Variants in JAKMIP1 observed in about 807,000 individuals in gnomAD.
JAKMIP1 encodes janus kinase and microtubule interacting protein 1, also known as janus kinase and microtubule-interacting protein 1.
A neutral mutation model predicts 113.0 loss-of-function variants in JAKMIP1; 33 were observed. That is an observed-to-expected ratio of 0.29 (90% CI 0.22 to 0.39). JAKMIP1 has a LOEUF of 0.39. JAKMIP1 is among the 10% of genes least tolerant of loss of function. JAKMIP1 has a pLI of 1.00. For missense variants in JAKMIP1, 813 were observed against 1,080.5 expected, an observed-to-expected ratio of 0.75 and a Z score of 3.47; for synonymous variants, 480 against 459.9, an observed-to-expected ratio of 1.04 and a Z score of -0.56.
chr4:6,070,221 T>G, intron 8 of JAKMIP1: 1 of 398,128 alleles, frequency 2.5e-6, no homozygotes. Context: ...AAAAGCCACC[T>G]CGTCGGCATC....
chr4:6,046,960 G>A (rs1294982675), intron 16 of JAKMIP1, among the ~76,000 whole-genome samples: 1 of 152,224 alleles, frequency 6.6e-6, no homozygotes, highest in African/African-American at 2.4e-5. Context: ...GCAGGTTCCT[G>A]CTCCTTGCTC....
intron 20 of JAKMIP1, among the ~76,000 whole-genome samples, chr4:6,027,260 C>A (rs371461505): frequency 1.6e-4 from 25 of 152,274 alleles, no homozygotes; most frequent in Middle Eastern, 3.4e-3. Flanking sequence ...CTTCTCCCCC[C>A]CAAAACAAGG....
chr4:6,087,417 G>A (rs1157614597), intron 3 of JAKMIP1, among the ~76,000 whole-genome samples: 8 of 152,158 alleles, frequency 5.3e-5, no homozygotes, highest in Admixed American at 5.2e-4. Context: ...TTGGTACAGT[G>A]CCTAGCATAT....
chr4:6,108,554 C>A lies in JAKMIP1; in HGVS notation c.130-2587G>T, dbSNP rs757610291. The stretch of plus-strand genomic sequence containing the variant: ...CAGATTCACCCCTTTCCATCCTCAT[C>A]CTCATCCAATCCAGCAGCACTGGCT... On this transcript the variant is annotated intron_variant, in intron 2 of 20. Transcript: ENST00000409021. This position sits in a 1 kb window ranked among gnomAD's most constrained non-coding sequence, Gnocchi z 5.6. 2.6e-5 allele frequency among the ~76,000 whole-genome samples: 4 copies of A among 152,152 alleles called. No individual in the cohort carries two copies. Among genetic ancestry groups the A allele is most frequent in the Admixed American group, 6.5e-5 (1 of 15,286 alleles).
intron 1 of JAKMIP1, among the ~76,000 whole-genome samples, chr4:6,164,006 C>T (rs1723271864): frequency 6.6e-6 from 1 of 152,226 alleles, no homozygotes; most frequent in African/African-American, 2.4e-5. Flanking sequence ...AGTGAAGCAT[C>T]AAGTGCTGAT....
At position 6,156,990 on chromosome 4, in the gene JAKMIP1, G is replaced by A. The variant is rs926445827; in HGVS notation, c.-148+43263C>T. On this transcript the variant is annotated intron_variant, in intron 1 of 20. Transcript: ENST00000409021. The surrounding 1 kb of genome is among the most constrained non-coding windows in gnomAD (Gnocchi z 5.0). Reference sequence around the variant, plus strand: ...ATCCCCAATGCACCAGTGTAAAGAGGGGGGACCTTTAAGGGGTGATTGGGT... The same window carrying A: ...ATCCCCAATGCACCAGTGTAAAGAGAGGGGACCTTTAAGGGGTGATTGGGT... Among the ~76,000 whole-genome samples, 1 of 152,322 alleles carries A rather than the reference G, an allele frequency of 6.6e-6. No homozygotes were observed. Among genetic ancestry groups the A allele is most frequent in the Non-Finnish European group, 1.5e-5 (1 of 68,030 alleles).
Position 6,116,188 on chromosome 4 carries a change from A to G in JAKMIP1, c.-147-3191T>C, listed in dbSNP as rs1167313300. On this transcript the variant is annotated intron_variant, in intron 1 of 20. Coordinates refer to ENST00000409021, the MANE Select transcript of JAKMIP1 (RefSeq NM_001099433.2). This position sits in a 1 kb window ranked among gnomAD's most constrained non-coding sequence, Gnocchi z 5.1. ...CCAGCAGCCGGCCTCTGTGCCATGGACACACTGTTGATAGTCCCGACGCTC... is the reference window on the plus strand; with the variant it reads ...CCAGCAGCCGGCCTCTGTGCCATGGGCACACTGTTGATAGTCCCGACGCTC... 1.3e-5 allele frequency among the ~76,000 whole-genome samples: 2 copies of G among 152,074 alleles called. No individual in the cohort carries two copies. The highest frequency in any genetic ancestry group is 3.9e-4 in the East Asian group (2 of 5,172).
At position 6,116,889 on chromosome 4, in the gene JAKMIP1, C is replaced by G. The variant is rs1560214273; in HGVS notation, c.-147-3892G>C. On this transcript the variant is annotated intron_variant, in intron 1 of 20. Transcript: ENST00000409021. The surrounding 1 kb of genome is among the most constrained non-coding windows in gnomAD (Gnocchi z 5.1). ...TCAAATATCACCTGTCACGGGCAGG[C>G]GGTGGGGAGGGCAAACTGCCAGACC... 6.6e-6 allele frequency among the ~76,000 whole-genome samples: 1 copy of G among 152,186 alleles called. No individual in the cohort carries two copies. Among genetic ancestry groups the G allele is most frequent in the Non-Finnish European group, 1.5e-5 (1 of 68,040 alleles).
At chr4:6,131,028 G>C (rs373440386) in intron 1 of JAKMIP1, among the ~76,000 whole-genome samples, 2 of 151,546 alleles carry the variant, frequency 1.3e-5, no homozygotes, top group African/African-American at 4.9e-5. Flanking sequence ...ACAAAACTTA[G>C]TTATGTGTGG....
chr4:6,125,060 A>T (rs549815044), intron 1 of JAKMIP1, among the ~76,000 whole-genome samples: 1 of 152,296 alleles, frequency 6.6e-6, no homozygotes, highest in South Asian at 2.1e-4. Context: ...GTGGTCAGCC[A>T]GGCTATGGTC....
intron 3 of JAKMIP1, among the ~76,000 whole-genome samples, chr4:6,095,791 C>A (rs973949070): frequency 6.6e-6 from 1 of 150,724 alleles, no homozygotes; most frequent in African/African-American, 2.5e-5. Context: ...AGGCGGGGGG[C>A]GTCTGCTATG....
intron 1 of JAKMIP1, among the ~76,000 whole-genome samples, chr4:6,123,100 T>C (rs1177385224): frequency 6.6e-5 from 10 of 152,228 alleles, no homozygotes; most frequent in Non-Finnish European, 2.9e-5. Context: ...AAGGCTCTGT[T>C]AGTTTTTCTA....
At chr4:6,099,270 C>T (rs967286838) in intron 3 of JAKMIP1, among the ~76,000 whole-genome samples, 8 of 152,296 alleles carry the variant, frequency 5.3e-5, no homozygotes, top group South Asian at 4.1e-4. Flanking sequence ...CCATTTGTCT[C>T]GTCTGTTTTT....
chr4:6,057,475 T>G (rs775609156), intron 11 of JAKMIP1, among the ~76,000 whole-genome samples: 4 of 152,018 alleles, frequency 2.6e-5, no homozygotes, highest in Non-Finnish European at 5.9e-5. Flanking sequence ...CGGCCTAGGG[T>G]CTGGTCCCAA....
intron 1 of JAKMIP1, among the ~76,000 whole-genome samples, chr4:6,177,943 C>A (rs896923799): frequency 6.6e-6 from 1 of 152,210 alleles, no homozygotes; most frequent in Non-Finnish European, 1.5e-5. Flanking sequence ...GTGAGATTAA[C>A]CCTAACCACT....
chr4:6,114,912 C>T (rs1233450305), intron 1 of JAKMIP1, among the ~76,000 whole-genome samples: 1 of 152,194 alleles, frequency 6.6e-6, no homozygotes, highest in Non-Finnish European at 1.5e-5. Flanking sequence ...AAGCTTGCTC[C>T]TTTTTATTCC....
chr4:6,127,749 G>A lies in JAKMIP1; in HGVS notation c.-147-14752C>T, dbSNP rs531047290. 9.2e-5 allele frequency among the ~76,000 whole-genome samples: 14 copies of A among 152,320 alleles called. No homozygotes were observed. In the South Asian group the frequency reaches 1.9e-3, roughly 20 times the overall value. ...GACACGTGGTCCCCCAGCCTCTCTC[G>A]AAAGTCCTTCCAGTGACAGGAGGCC... On this transcript the variant is annotated intron_variant, in intron 1 of 20. Coordinates refer to ENST00000409021, the MANE Select transcript of JAKMIP1 (RefSeq NM_001099433.2).
intron 1 of JAKMIP1, among the ~76,000 whole-genome samples, chr4:6,148,215 G>A (rs567486936): frequency 1.6e-4 from 25 of 152,366 alleles, no homozygotes; most frequent in Admixed American, 6.5e-4. Flanking sequence ...AGCAGCTGGA[G>A]TGGACTGATA....
chr4:6,112,625 C>T (rs903311536), intron 2 of JAKMIP1, 97 bp downstream of exon 2: 32 of 1,464,016 alleles, frequency 2.2e-5, no homozygotes, highest in Admixed American at 3.6e-5. Context: ...CTCGGCCCCC[C>T]TCCTGGAACA....
Sources: allele counts gnomAD v4.1 joint callset (sites outside exome capture counted in the v4.1 genomes callset), GRCh38; gene constraint gnomAD v4.1.1; non-coding constraint Gnocchi (gnomAD v3.1); transcripts MANE v1.5; gene names NCBI Gene and HGNC (gene_info 2026-07-23, HGNC 2026-07-21).